Variants in PITPNC1 observed in about 807,000 individuals in gnomAD.
PITPNC1 encodes the protein cytoplasmic phosphatidylinositol transfer protein 1.
A neutral mutation model predicts 44.7 loss-of-function variants in PITPNC1; 18 were observed. That is an observed-to-expected ratio of 0.40 (90% CI 0.28 to 0.60). PITPNC1 has a LOEUF of 0.60. Ranked by LOEUF, PITPNC1 falls within the 20% of genes least tolerant of loss-of-function variation. PITPNC1 has a pLI of 0.39. For synonymous variants in PITPNC1, 141 were observed against 149.6 expected (o/e 0.94, Z 0.42); for missense variants, 290 against 418.4 (o/e 0.69, Z 2.68).
chr17:67,471,643 A>T (rs1568003646), intron 1 of PITPNC1: 2 of 335,180 alleles, frequency 6.0e-6, no homozygotes. Context: ...TCAGGTTGAC[A>T]TCATATACCC....
chr17:67,527,899 G>T (rs2040411080), intron 1 of PITPNC1, among the ~76,000 whole-genome samples: 1 of 152,170 alleles, frequency 6.6e-6, no homozygotes, highest in African/African-American at 2.4e-5. Context: ...TACTCAAGGG[G>T]CTGAGGCAGG....
intron 4 of PITPNC1, among the ~76,000 whole-genome samples, chr17:67,567,340 C>A (rs1343099624): frequency 6.6e-6 from 1 of 152,014 alleles, no homozygotes; most frequent in African/African-American, 2.4e-5. Context: ...AAAAATTAGC[C>A]AGGCGTGGTG....
At chr17:67,466,249 C>A (rs2039427212) in intron 1 of PITPNC1, among the ~76,000 whole-genome samples, 1 of 151,558 alleles carries the variant, frequency 6.6e-6, no homozygotes, top group Admixed American at 6.6e-5. Flanking sequence ...TGGTCTCAAA[C>A]TCCTGGCCTC....
At chr17:67,399,019 T>G (rs887827536) in intron 1 of PITPNC1, among the ~76,000 whole-genome samples, 1 of 144,814 alleles carries the variant, frequency 6.9e-6, no homozygotes, top group African/African-American at 2.6e-5. Context: ...TTTTTTTTTT[T>G]TTTTTTTTTT....
intron 1 of PITPNC1, among the ~76,000 whole-genome samples, chr17:67,386,485 G>T (rs1410295332): frequency 1.3e-5 from 2 of 152,170 alleles, no homozygotes; most frequent in African/African-American, 2.4e-5. Context: ...GAGCCACTGC[G>T]CCCCGCCTAA....
chr17:67,545,393 C>A (rs1162175024), intron 2 of PITPNC1, among the ~76,000 whole-genome samples: 1 of 152,028 alleles, frequency 6.6e-6, no homozygotes, highest in East Asian at 1.9e-4. Context: ...GCCTGGCCAA[C>A]AAGGTGAAAC....
chr17:67,459,328 G>A (rs2039303027), intron 1 of PITPNC1, among the ~76,000 whole-genome samples: 1 of 152,004 alleles, frequency 6.6e-6, no homozygotes, highest in African/African-American at 2.4e-5. Flanking sequence ...TGTTGGCCAG[G>A]CTGGTCTTGA....
At chr17:67,692,427 T>TTCAATGATACTTTGGG in intron 8 of PITPNC1, 145 bp from the exon 9 acceptor site, 1 of 622,008 alleles carries the variant, frequency 1.6e-6, no homozygotes, top group Non-Finnish European at 2.8e-6. Context: ...GGTTTGGTAT[T>TTCAATGATACTTTGGG]TCAATGATAC....
Position 67,403,308 on chromosome 17 carries a change from TATATTC to T in PITPNC1, c.48+25110_48+25115del, listed in dbSNP as rs1000699970. Among the ~76,000 whole-genome samples, 18 of 151,306 alleles carry T rather than the reference TATATTC, an allele frequency of 1.2e-4. No homozygotes were observed. The East Asian group carries it at 3.3e-3, about 28-fold the overall frequency. On this transcript the variant is annotated intron_variant, in intron 1 of 8. Transcript: ENST00000581322. ...TGGGTGTAGAAATGAAACCCTCAAT[TATATTC>T]ATAAGGCTAAAAATGAACTATTCCC...
chr17:67,429,193 T>G (rs1180807299), intron 1 of PITPNC1, among the ~76,000 whole-genome samples: 2 of 152,142 alleles, frequency 1.3e-5, no homozygotes, highest in Admixed American at 1.3e-4. Context: ...CTATTCTATT[T>G]TATCAAAGAA....
rs2037892566 is a variant in PITPNC1 at position 67,377,743 on chromosome 17, G to A, written c.-412G>A. ...GTCTGCTTTCGGAGGCGGATCGAGC[G>A]GGTGACTTTTGTGCATTCGTTTTAA... is the stretch of plus-strand genomic sequence containing the variant. On this transcript the variant is annotated 5_prime_UTR_variant, in exon 1 of 9. Coordinates refer to ENST00000581322, the MANE Select transcript of PITPNC1 (RefSeq NM_012417.4). 6.1e-6 allele frequency: 1 copy of A among 162,694 alleles called. No individual in the cohort carries two copies. The highest frequency in any genetic ancestry group is 6.4e-5 in the Admixed American group (1 of 15,526). 10.1% of individuals were successfully genotyped at this position (162,694 alleles called of 1,614,324 possible).
intron 2 of PITPNC1, among the ~76,000 whole-genome samples, chr17:67,544,634 C>G (rs117302424): frequency 1.3e-5 from 2 of 152,368 alleles, no homozygotes; most frequent in East Asian, 3.9e-4. Flanking sequence ...TTGCCTTCCA[C>G]GGCAATGTCT....
chr17:67,607,450 C>G (rs1285423051), intron 5 of PITPNC1, among the ~76,000 whole-genome samples: 1 of 152,246 alleles, frequency 6.6e-6, no homozygotes, highest in African/African-American at 2.4e-5. Context: ...CTGTTGTAAG[C>G]AACTCTCAGA....
intron 5 of PITPNC1, among the ~76,000 whole-genome samples, chr17:67,616,422 T>C (rs2041758387): frequency 6.6e-6 from 1 of 152,212 alleles, no homozygotes; most frequent in Non-Finnish European, 1.5e-5. Context: ...GTTACAGGCA[T>C]GAGCCACCGT....
intron 4 of PITPNC1, among the ~76,000 whole-genome samples, chr17:67,555,272 A>C (rs574697300): frequency 3.7e-4 from 56 of 152,290 alleles, no homozygotes; most frequent in African/African-American, 1.3e-3. Context: ...TTGTCTTTAG[A>C]GGGTCATATT....
Position 67,618,070 on chromosome 17 carries a change from T to C in PITPNC1, c.367-14073T>C, listed in dbSNP as rs552688482. 4.6e-5 allele frequency among the ~76,000 whole-genome samples: 7 copies of C among 151,876 alleles called. No individual in the cohort carries two copies. The South Asian group carries it at 1.5e-3, about 32-fold the overall frequency. ...CTCCTGACTATTGACCCTATGAAAA[T>C]GAAAACCAGGCCAGGTGCAGTGGCT... is the stretch of plus-strand genomic sequence containing the variant. On this transcript the variant is annotated intron_variant, in intron 5 of 8. Coordinates refer to ENST00000581322, the MANE Select transcript of PITPNC1 (RefSeq NM_012417.4).
At chr17:67,378,557 G>A (rs1430101429) in intron 1 of PITPNC1, among the ~76,000 whole-genome samples, 1 of 152,152 alleles carries the variant, frequency 6.6e-6, no homozygotes, top group Non-Finnish European at 1.5e-5. Context: ...CTGGGGTTTG[G>A]GGGGCATCCC....
chr17:67,645,224 C>A lies in PITPNC1; in HGVS notation c.462+12986C>A, dbSNP rs373926993. Among the ~76,000 whole-genome samples the A allele has an allele frequency of 1.6e-4, 24 of 152,056 alleles. No homozygotes were observed. In the East Asian group the frequency reaches 2.7e-3, roughly 17 times the overall value. On this transcript the variant is annotated intron_variant, in intron 6 of 8. Coordinates refer to ENST00000581322, the MANE Select transcript of PITPNC1 (RefSeq NM_012417.4). The stretch of plus-strand genomic sequence containing the variant: ...GGCATGGTGGCGGGCACCTATAATC[C>A]CAGCTACTCGGGAGCCTGAGGCAGG...
chr17:67,561,171 A>G (rs554941642), intron 4 of PITPNC1, among the ~76,000 whole-genome samples: 1 of 152,298 alleles, frequency 6.6e-6, no homozygotes, highest in African/African-American at 2.4e-5. Flanking sequence ...AAGTGAATGC[A>G]AAGGCCGGGT....
Sources: gnomAD v4.1 joint callset for allele counts (sites outside exome capture counted in the v4.1 genomes callset) on GRCh38, gnomAD v4.1.1 for gene constraint, MANE v1.5 for transcripts, NCBI Gene and HGNC (gene_info 2026-07-23, HGNC 2026-07-21) for gene names.